WWOX: variants seen among roughly 807,000 people sequenced by gnomAD.
WWOX encodes WW domain-containing oxidoreductase.
Under a neutral mutation model 46.2 loss-of-function variants are expected in WWOX, and 69 were observed. The ratio of observed to expected loss-of-function variants is 1.49; its 90% CI spans 1.23 to 1.82. The LOEUF (loss-of-function observed/expected upper bound fraction) is 1.82, where lower values mean the gene tolerates loss of function less well. WWOX is among the 40% of genes most tolerant of loss of function. The pLI is 0.00. For missense variants in WWOX, 919 were observed against 542.6 expected (o/e 1.69, Z -6.89); for synonymous variants, 359 against 202.6 (o/e 1.77, Z -6.56).
chr16:78,904,779 C>T (rs187194499), intron 8 of WWOX, among the ~76,000 whole-genome samples: 2 of 152,262 alleles, frequency 1.3e-5, no homozygotes. Context: ...AATTCTCGGG[C>T]CTTTGCACCT....
chr16:78,712,007 G>T (rs1382519041), intron 8 of WWOX, among the ~76,000 whole-genome samples: 2 of 152,152 alleles, frequency 1.3e-5, no homozygotes, highest in East Asian at 1.9e-4. Flanking sequence ...CGGCAAAGAA[G>T]CCCCAACGTC....
chr16:78,740,604 G>A (rs1460051949), intron 8 of WWOX, among the ~76,000 whole-genome samples: 2 of 152,128 alleles, frequency 1.3e-5, no homozygotes, highest in African/African-American at 2.4e-5. Flanking sequence ...GGCATGGGGC[G>A]CCGTTTCATT....
chr16:78,497,243 C>G (rs377744514), intron 8 of WWOX, among the ~76,000 whole-genome samples: 2 of 152,154 alleles, frequency 1.3e-5, no homozygotes, highest in African/African-American at 4.8e-5. Flanking sequence ...TTTTTTTGCT[C>G]TGATTCTAGC....
Position 78,374,210 on chromosome 16 carries a change from T to C in WWOX, c.517-12650T>C, listed in dbSNP as rs111362791. 3.8e-3 allele frequency among the ~76,000 whole-genome samples: 578 copies of C among 152,342 alleles called. 8 individuals carry two copies. The highest frequency in any genetic ancestry group is 0.013 in the African/African-American group (552 of 41,582). On this transcript the variant is annotated intron_variant, in intron 5 of 8. Transcript: ENST00000566780. The stretch of plus-strand genomic sequence containing the variant: ...TCCTCCCTTTCTTCCTTTCTGTCTT[T>C]CTCTGTTTTCCTCTCTCCCTGTTAG...
At chr16:78,728,741 G>A (rs2048894434) in intron 8 of WWOX, among the ~76,000 whole-genome samples, 2 of 152,140 alleles carry the variant, frequency 1.3e-5, no homozygotes, top group African/African-American at 2.4e-5. Context: ...GATTCCAAGA[G>A]GGAAAACAAT....
At chr16:78,648,461 G>C (rs1384159117) in intron 8 of WWOX, among the ~76,000 whole-genome samples, 1 of 152,150 alleles carries the variant, frequency 6.6e-6, no homozygotes, top group Non-Finnish European at 1.5e-5. Flanking sequence ...TTGCTAATGA[G>C]ACACCAAAGA....
chr16:78,908,542 A>AAT lies in WWOX; in HGVS notation c.1057-303065_1057-303064insTA, dbSNP rs11398757. Among the ~76,000 whole-genome samples, 6 of 2,910 alleles carry AAT rather than the reference A, an allele frequency of 2.1e-3. No homozygotes were observed. The Non-Finnish European group carries it at 0.19, about 91-fold the overall frequency. The allele number at this position is 2,910 out of a possible 152,430, so 1.9% of individuals were successfully genotyped here. A position where few individuals can be genotyped will look rare whatever the true frequency, so the allele number is the denominator to read the frequency against. ...GCGACAGACTGAAACTCTGTCTCGG[A>AAT]AAAAAAAAAAAGAGTTTAATTCATG... On this transcript the variant is annotated intron_variant, in intron 8 of 8. Coordinates refer to ENST00000566780, the MANE Select transcript of WWOX (RefSeq NM_016373.4).
At chr16:78,803,695 G>C (rs1465803364) in intron 8 of WWOX, among the ~76,000 whole-genome samples, 1 of 152,136 alleles carries the variant, frequency 6.6e-6, no homozygotes, top group East Asian at 1.9e-4. Flanking sequence ...CTAGGCTCAA[G>C]CAGTCTTCCC....
chr16:78,236,212 AC>A (rs1358532880), intron 5 of WWOX, among the ~76,000 whole-genome samples: 1 of 152,180 alleles, frequency 6.6e-6, no homozygotes, highest in Admixed American at 6.5e-5. Flanking sequence ...AAATGTTAAT[AC>A]GTTAGTTTTC....
intron 8 of WWOX, among the ~76,000 whole-genome samples, chr16:78,920,873 G>A (rs62038099): frequency 0.084 from 12,727 of 152,196 alleles, 601 homozygotes; most frequent in Non-Finnish European, 0.11. Flanking sequence ...TGATGAGCTC[G>A]ATGAGCAAAT....
chr16:78,246,395 C>G (rs1348014489), intron 5 of WWOX, among the ~76,000 whole-genome samples: 2 of 152,124 alleles, frequency 1.3e-5, no homozygotes, highest in Non-Finnish European at 1.5e-5. Flanking sequence ...TGGTATAACA[C>G]TACCCTGTTT....
At chr16:79,051,053 G>A (rs541260270) in intron 8 of WWOX, among the ~76,000 whole-genome samples, 1 of 152,324 alleles carries the variant, frequency 6.6e-6, no homozygotes, top group South Asian at 2.1e-4. Flanking sequence ...TATTCCCAAG[G>A]AAGCTGTAGC....
chr16:78,140,958 C>T (rs1054517199), intron 4 of WWOX, among the ~76,000 whole-genome samples: 1 of 152,202 alleles, frequency 6.6e-6, no homozygotes, highest in Non-Finnish European at 1.5e-5. Context: ...GTATGTAACT[C>T]AGCTCTGCTC....
At chr16:78,914,203 T>C (rs527827047) in intron 8 of WWOX, among the ~76,000 whole-genome samples, 6 of 152,200 alleles carry the variant, frequency 3.9e-5, no homozygotes, top group South Asian at 2.1e-4. Context: ...CTAGCACTTA[T>C]CACTATCTGA....
At chr16:79,112,110 C>CT (rs1203084932) in intron 8 of WWOX, among the ~76,000 whole-genome samples, 6 of 152,208 alleles carry the variant, frequency 3.9e-5, no homozygotes, top group African/African-American at 1.4e-4. Context: ...TCTTCTCTCT[C>CT]TCCCTCCTTC....
chr16:78,250,281 G>A (rs1015725656), intron 5 of WWOX, among the ~76,000 whole-genome samples: 5 of 152,220 alleles, frequency 3.3e-5, no homozygotes, highest in African/African-American at 9.6e-5. Context: ...TCACAAGCTC[G>A]GTTCTGGAGC....
chr16:78,513,630 G>A (rs897837053), intron 8 of WWOX, among the ~76,000 whole-genome samples: 2 of 152,198 alleles, frequency 1.3e-5, no homozygotes, highest in Non-Finnish European at 2.9e-5. Context: ...TTGCCTGTGA[G>A]TCCCACTGAT....
Position 78,538,487 on chromosome 16 carries a change from G to C in WWOX, c.1056+105735G>C, listed in dbSNP as rs17777689. Among the ~76,000 whole-genome samples, 122 of 152,292 alleles carry C rather than the reference G, an allele frequency of 8.0e-4. 2 individuals are homozygous for C. In the East Asian group the frequency reaches 0.02, roughly 25 times the overall value. Reference sequence around the variant, plus strand: ...ATGAAGATGGAATGACTCCATGGATGACCTTTCCGTGCCTTTGTCTGTAGC... The same window carrying C: ...ATGAAGATGGAATGACTCCATGGATCACCTTTCCGTGCCTTTGTCTGTAGC... On this transcript the variant is annotated intron_variant, in intron 8 of 8. Transcript: ENST00000566780.
intron 5 of WWOX, among the ~76,000 whole-genome samples, chr16:78,316,319 G>A (rs929984456): frequency 2.0e-5 from 3 of 152,120 alleles, no homozygotes; most frequent in African/African-American, 4.8e-5. Flanking sequence ...AGATGGCTTT[G>A]TTAGGTTAGA....
Sources: gnomAD v4.1 joint callset for allele counts (sites outside exome capture counted in the v4.1 genomes callset) on GRCh38, gnomAD v4.1.1 for gene constraint, MANE v1.5 for transcripts, NCBI Gene and HGNC (gene_info 2026-07-23, HGNC 2026-07-21) for gene names.